The following NKAIN2 variants were observed in gnomAD, a reference collection of about 807,000 sequenced individuals.
NKAIN2 encodes the protein sodium/potassium transporting ATPase interacting 2.
Under a neutral mutation model 32.6 loss-of-function variants are expected in NKAIN2, and 14 were observed. The ratio of observed to expected loss-of-function variants is 0.43; its 90% CI spans 0.28 to 0.67. NKAIN2 has a LOEUF of 0.67. NKAIN2 is among the 30% of genes least tolerant of loss of function. The pLI, the probability that NKAIN2 is intolerant of heterozygous loss-of-function variation, is 0.17. For missense variants in NKAIN2, 198 were observed against 258.3 expected (o/e 0.77, Z 1.60); for synonymous variants, 80 against 87.2 (o/e 0.92, Z 0.46).
At chr6:124,620,489 G>T (rs985685642) in intron 3 of NKAIN2, among the ~76,000 whole-genome samples, 5 of 152,104 alleles carry the variant, frequency 3.3e-5, no homozygotes, top group African/African-American at 1.2e-4. Flanking sequence ...TCAACCATAT[G>T]CTAACTTCAA....
chr6:124,057,767 A>G (rs1372454556), intron 1 of NKAIN2, among the ~76,000 whole-genome samples: 1 of 152,006 alleles, frequency 6.6e-6, no homozygotes, highest in East Asian at 1.9e-4. Flanking sequence ...AAAAACAACC[A>G]GTGTTCCAGG....
intron 4 of NKAIN2, among the ~76,000 whole-genome samples, chr6:124,660,583 G>C (rs997595007): frequency 4.6e-5 from 7 of 152,158 alleles, no homozygotes; most frequent in Middle Eastern, 3.2e-3. Context: ...TCTCCTGTCT[G>C]CATTCCCCCC....
intron 3 of NKAIN2, among the ~76,000 whole-genome samples, chr6:124,449,175 T>A (rs888201193): frequency 6.6e-6 from 1 of 152,166 alleles, no homozygotes; most frequent in African/African-American, 2.4e-5. Context: ...AATATTTCAA[T>A]GTATTTTAAT....
intron 2 of NKAIN2, among the ~76,000 whole-genome samples, chr6:124,332,937 G>C (rs1367045776): frequency 6.6e-6 from 1 of 152,134 alleles, no homozygotes; most frequent in Non-Finnish European, 1.5e-5. Context: ...AGATTATACA[G>C]GTAGGTTCAC....
chr6:123,866,143 G>T (rs1010542412), intron 1 of NKAIN2, among the ~76,000 whole-genome samples: 3 of 152,128 alleles, frequency 2.0e-5, no homozygotes, highest in Non-Finnish European at 4.4e-5. Context: ...CGTCTCTCAT[G>T]CATTTCACTC....
chr6:124,201,211 A>T (rs1790572596), intron 1 of NKAIN2, among the ~76,000 whole-genome samples: 1 of 152,048 alleles, frequency 6.6e-6, no homozygotes, highest in Admixed American at 6.6e-5. Flanking sequence ...CTTACACACC[A>T]TGCTGTTACC....
In NKAIN2 at chr6:124,560,653, A is replaced by G. The variant is rs182570574; in HGVS notation, c.274-97533A>G. Among the ~76,000 whole-genome samples the G allele has an allele frequency of 2.0e-5, 3 of 152,334 alleles. No homozygotes were observed. The East Asian group carries it at 5.8e-4, about 29-fold the overall frequency. ...TGTATACTATAAGAATTAAATGAGAACAGTGCCTGGCACATAGTAAGCATG... is the reference window on the plus strand; with the variant it reads ...TGTATACTATAAGAATTAAATGAGAGCAGTGCCTGGCACATAGTAAGCATG... On this transcript the variant is annotated intron_variant, in intron 3 of 6. Transcript: ENST00000368417.
At chr6:123,834,418 G>A (rs1036533194) in intron 1 of NKAIN2, among the ~76,000 whole-genome samples, 2 of 152,076 alleles carry the variant, frequency 1.3e-5, no homozygotes, top group Admixed American at 6.6e-5. Context: ...GCCTCCCAAC[G>A]TGCTGGGATT....
intron 3 of NKAIN2, among the ~76,000 whole-genome samples, chr6:124,405,772 A>T (rs991524271): frequency 6.6e-6 from 1 of 152,152 alleles, no homozygotes; most frequent in African/African-American, 2.4e-5. Flanking sequence ...ATTGTTTTAA[A>T]TACAAATAAC....
chr6:123,871,224 C>T (rs1772855632), intron 1 of NKAIN2, among the ~76,000 whole-genome samples: 4 of 152,154 alleles, frequency 2.6e-5, no homozygotes, highest in Admixed American at 2.6e-4. Context: ...CTGTACCATA[C>T]ATATTTTTTG....
At chr6:124,363,217 A>G (rs1003214888) in intron 3 of NKAIN2, among the ~76,000 whole-genome samples, 2 of 152,198 alleles carry the variant, frequency 1.3e-5, no homozygotes, top group Admixed American at 6.5e-5. Flanking sequence ...TAATGTATCT[A>G]TTACTTGTTT....
chr6:124,415,816 A>G (rs901093056), intron 3 of NKAIN2, among the ~76,000 whole-genome samples: 2 of 151,044 alleles, frequency 1.3e-5, no homozygotes, highest in Admixed American at 6.6e-5. Flanking sequence ...ATGTATTTTA[A>G]CAATAGCATA....
At chr6:124,663,121 C>CATCA (rs1784806965) in intron 4 of NKAIN2, among the ~76,000 whole-genome samples, 1 of 152,118 alleles carries the variant, frequency 6.6e-6, no homozygotes, top group Non-Finnish European at 1.5e-5. Flanking sequence ...ATAATGATTT[C>CATCA]ATCATTTAAA....
chr6:124,210,953 C>T (rs1055894179), intron 1 of NKAIN2, among the ~76,000 whole-genome samples: 14 of 150,166 alleles, frequency 9.3e-5, no homozygotes, highest in Admixed American at 7.9e-4. Context: ...CTCTAATTGC[C>T]CTGGCAAGGA....
At chr6:124,707,302 C>T (rs570843004) in intron 4 of NKAIN2, among the ~76,000 whole-genome samples, 237 of 152,140 alleles carry the variant, frequency 1.6e-3, no homozygotes, top group African/African-American at 5.1e-3. Context: ...AATAAACATA[C>T]GTGTGCATGT....
intron 2 of NKAIN2, among the ~76,000 whole-genome samples, chr6:124,296,112 C>CT (rs1419281628): frequency 6.6e-6 from 1 of 152,230 alleles, no homozygotes; most frequent in East Asian, 1.9e-4. Flanking sequence ...ATTGCATTCT[C>CT]TTTCACATTC....
intron 5 of NKAIN2, among the ~76,000 whole-genome samples, chr6:124,815,792 C>T (rs1458071404): frequency 6.6e-6 from 1 of 152,170 alleles, no homozygotes. Flanking sequence ...TTCTGCTATG[C>T]TGCATGGCTT....
chr6:124,063,284 G>A (rs1001305608), intron 1 of NKAIN2, among the ~76,000 whole-genome samples: 5 of 152,096 alleles, frequency 3.3e-5, no homozygotes, highest in East Asian at 1.9e-4. Context: ...GAGATGAGAT[G>A]TAACTGGCCC....
At chr6:124,455,567 C>A (rs1429503842) in intron 3 of NKAIN2, among the ~76,000 whole-genome samples, 2 of 151,638 alleles carry the variant, frequency 1.3e-5, no homozygotes, top group East Asian at 3.9e-4. Context: ...AAAGAAAATC[C>A]CCCAGAGTTC....
Sources: gnomAD v4.1 joint callset for allele counts (sites outside exome capture counted in the v4.1 genomes callset) on GRCh38, gnomAD v4.1.1 for gene constraint, MANE v1.5 for transcripts, NCBI Gene and HGNC (gene_info 2026-07-23, HGNC 2026-07-21) for gene names.